Variants in SCLY observed in about 807,000 individuals in gnomAD.
The protein encoded by SCLY is putative selenocysteine lyase.
In SCLY, 38 loss-of-function variants were observed where a neutral mutation model predicts 50.1. The ratio of observed to expected loss-of-function variants is 0.76; its 90% CI spans 0.59 to 0.99. The LOEUF is 0.99. Among genes scored for constraint, SCLY ranks in the 50% least tolerant of loss-of-function variants. The pLI, the probability that SCLY is intolerant of heterozygous loss-of-function variation, is 0.00. For missense variants in SCLY, 600 were observed against 620.0 expected, an observed-to-expected ratio of 0.97 and a Z score of 0.34; for synonymous variants, 243 against 249.4, an observed-to-expected ratio of 0.97 and a Z score of 0.24.
Position 238,098,559 on chromosome 2 carries a change from GCATAGGACTGCCCA to G in SCLY, c.*208_*221del, listed in dbSNP as rs1691300807. ...TCACAGGGCCCAGGACACCAACGCC[GCATAGGACTGCCCA>G]CATGGGACCGCCCACATAGGACCGC... On this transcript the variant is annotated 3_prime_UTR_variant, in exon 12 of 12. Coordinates refer to ENST00000254663, the MANE Select transcript of SCLY (RefSeq NM_016510.7). 18 of 412,928 alleles carry G rather than the reference GCATAGGACTGCCCA, an allele frequency of 4.4e-5. 1 individual carries two copies. In the South Asian group the frequency reaches 6.5e-4, roughly 15 times the overall value. 25.6% of individuals were successfully genotyped at this position (412,928 alleles called of 1,614,324 possible). A position where few individuals can be genotyped will look rare whatever the true frequency, so the allele number is the denominator to read the frequency against.
At chr2:238,091,386 T>C in intron 8 of SCLY, 132 bp downstream of exon 8, 1 of 798,558 alleles carries the variant, frequency 1.3e-6, no homozygotes. Flanking sequence ...AGAAAAAGCC[T>C]GGAATCTGAT....
chr2:238,094,273 G>C, intron 9 of SCLY, 147 bp from the exon 10 acceptor site: 1 of 712,406 alleles, frequency 1.4e-6, no homozygotes, highest in Non-Finnish European at 2.4e-6. Flanking sequence ...GCTTTCCATA[G>C]TCCGTCCCCG....
In SCLY at chr2:238,091,584, G is replaced by A. The variant is rs73098344; in HGVS notation, c.921+330G>A. 2,001 of 344,322 alleles carry A rather than the reference G, an allele frequency of 5.8e-3. 46 individuals are homozygous for A. The highest frequency in any genetic ancestry group is 0.039 in the African/African-American group (1,870 of 47,370). The allele number at this position is 344,322 out of a possible 1,614,324, so 21.3% of individuals were successfully genotyped here. A position where few individuals can be genotyped will look rare whatever the true frequency, so the allele number is the denominator to read the frequency against. On this transcript the variant is annotated intron_variant, in intron 8 of 11. Transcript: ENST00000254663. Reference sequence around the variant, plus strand: ...AGGCGTCGGCAGCCCCCGCACCATCGACGTTCTGTCCCCGATTGGTCTGTG... The same window carrying A: ...AGGCGTCGGCAGCCCCCGCACCATCAACGTTCTGTCCCCGATTGGTCTGTG...
rs1346432235 is a variant in SCLY at position 238,094,447 on chromosome 2, C to G, written c.1033C>G (p.Leu345Val). The change falls in exon 10 of 12, where the codon CTG becomes GTG. Residue 345 changes from leucine to valine, a missense_variant. Transcript: ENST00000254663. Reference protein sequence around the residue: ...EAEFGQKRIHLNSQFPGTQRL... With the variant: ...EAEFGQKRIHVNSQFPGTQRL... ...TGAATTCGGTCAGAAGAGAATCCAT[C>G]TGAATAGCCAGTTTCCAGGCACCCA... 1 of 1,613,990 alleles carries G rather than the reference C, an allele frequency of 6.2e-7. No homozygotes were observed. Among genetic ancestry groups the G allele is most frequent in the Non-Finnish European group, 8.5e-7 (1 of 1,179,978 alleles).
chr2:238,065,035 A>G (rs1034446049), intron 2 of SCLY: 1 of 152,344 alleles, frequency 6.6e-6, no homozygotes, highest in Non-Finnish European at 1.5e-5. Flanking sequence ...TGAGCAAGCT[A>G]AAGTCTTACC....
In SCLY at chr2:238,096,851, G is replaced by A. The variant is rs1415720272; in HGVS notation, c.1159G>A (p.Ala387Thr). 8.7e-6 allele frequency: 14 copies of A among 1,612,076 alleles called. No individual in the cohort carries two copies. The highest frequency in any genetic ancestry group is 3.3e-5 in the Admixed American group (2 of 59,806). ...AGTGCTGATGGCCAGTGTGGGGGCC[G>A]CGTGCCACTCGGACCACGGGGACCA... ...CRVLMASVGA[A>T]CHSDHGDQPS... Residue 387 changes from alanine to threonine, a missense_variant, in exon 11 of 12, where the codon GCG (alanine) becomes ACG (threonine). Physicochemically the swap from Ala to Thr is moderately conservative, Grantham distance 58 (BLOSUM62 0). Transcript: ENST00000254663.
chr2:238,095,304 G>A (rs1019396413), intron 10 of SCLY, among the ~76,000 whole-genome samples: 2 of 152,280 alleles, frequency 1.3e-5, no homozygotes, highest in Middle Eastern at 3.4e-3. Flanking sequence ...GATCACCCCC[G>A]TCCCAGATGC....
chr2:238,077,412 T>C (rs2065184633), intron 4 of SCLY, among the ~76,000 whole-genome samples: 1 of 152,236 alleles, frequency 6.6e-6, no homozygotes, highest in African/African-American at 2.4e-5. Flanking sequence ...TAGAGACATA[T>C]TGTGGCTATA....
Position 238,098,246 on chromosome 2 carries a change from C to A in SCLY, c.1229C>A (p.Ala410Asp), listed in dbSNP as rs777801998. The A allele has an allele frequency of 3.1e-6, 5 of 1,611,026 alleles. No homozygotes were observed. The highest frequency in any genetic ancestry group is 3.3e-5 in the Admixed American group (2 of 59,982). The change falls in exon 12 of 12, where the codon GCC (alanine) becomes GAC (aspartate). Residue 410 changes from alanine (A) to aspartate (D), a missense_variant. Physicochemically the swap from Ala to Asp is moderately radical, Grantham distance 126 (BLOSUM62 -2). Coordinates refer to ENST00000254663, the MANE Select transcript of SCLY (RefSeq NM_016510.7). The part of the protein sequence containing the change: ...LLSYGVPFDV[A>D]RNALRLSVGR... Reference sequence around the variant, plus strand: ...AGCTACGGTGTCCCCTTCGACGTGGCCAGGAACGCGCTCCGGCTCAGCGTG... The same window carrying A: ...AGCTACGGTGTCCCCTTCGACGTGGACAGGAACGCGCTCCGGCTCAGCGTG...
intron 4 of SCLY, among the ~76,000 whole-genome samples, chr2:238,071,197 A>G (rs1175216190): frequency 9.2e-5 from 14 of 152,192 alleles, no homozygotes; most frequent in Admixed American, 9.2e-4. Flanking sequence ...AACTTGGTAT[A>G]CATCATTATT....
At position 238,067,515 on chromosome 2, in the gene SCLY, G is replaced by A. The variant is rs534519712; in HGVS notation, c.203-550G>A. On this transcript the variant is annotated intron_variant, in intron 2 of 11. Transcript: ENST00000254663. The surrounding 1 kb of genome is among the most constrained non-coding windows in gnomAD (Gnocchi z 4.3). Reference sequence around the variant, plus strand: ...TTGCTGTGTTTTCCTTCTAGCCAGTGAAACTGGGTGATGGCCGGATGCATA... The same window carrying A: ...TTGCTGTGTTTTCCTTCTAGCCAGTAAAACTGGGTGATGGCCGGATGCATA... 6.6e-6 allele frequency among the ~76,000 whole-genome samples: 1 copy of A among 152,352 alleles called. No individual in the cohort carries two copies. Among genetic ancestry groups the A allele is most frequent in the South Asian group, 2.1e-4 (1 of 4,832 alleles).
At chr2:238,079,041 T>C (rs1182874576) in intron 4 of SCLY, 1 of 149,712 alleles carries the variant, frequency 6.7e-6, no homozygotes, top group Non-Finnish European at 1.5e-5. Flanking sequence ...TTTCCTTCCT[T>C]CCTTCTTTCT....
intron 11 of SCLY, among the ~76,000 whole-genome samples, chr2:238,097,827 C>T (rs887024649): frequency 6.6e-6 from 1 of 152,124 alleles, no homozygotes; most frequent in Non-Finnish European, 1.5e-5. Flanking sequence ...ATGAAGTTAC[C>T]AAGTGGCTCA....
chr2:238,078,523 TATGTATA>T (rs1257537013), intron 4 of SCLY: 48 of 152,294 alleles, frequency 3.2e-4, no homozygotes, highest in Middle Eastern at 3.4e-3. Context: ...GCTTACTATT[TATGTATA>T]AACTTACCAG....
In SCLY at chr2:238,083,008, C is replaced by T; in HGVS notation, c.778-240C>T. ...TGATGCGCAGGGGAGAGCTGCCTGCCACAGAGCTGAGCACGAGAGTCTAGC... is the reference window on the plus strand; with the variant it reads ...TGATGCGCAGGGGAGAGCTGCCTGCTACAGAGCTGAGCACGAGAGTCTAGC... On this transcript the variant is annotated intron_variant, in intron 6 of 11. Transcript: ENST00000254663. This position sits in a 1 kb window ranked among gnomAD's most constrained non-coding sequence, Gnocchi z 4.3. 1 of 584,350 alleles carries T rather than the reference C, an allele frequency of 1.7e-6. No individual in the cohort carries two copies. The highest frequency in any genetic ancestry group is 1.7e-5 in the South Asian group (1 of 60,066). 36.2% of individuals were successfully genotyped at this position (584,350 alleles called of 1,614,324 possible). A position where few individuals can be genotyped will look rare whatever the true frequency, so the allele number is the denominator to read the frequency against.
Position 238,068,077 on chromosome 2 carries a change from A to G in SCLY, c.215A>G (p.Lys72Arg), listed in dbSNP as rs1576662117. The G allele has an allele frequency of 6.2e-7, 1 of 1,612,188 alleles. No individual in the cohort carries two copies. The highest frequency in any genetic ancestry group is 8.5e-7 in the Non-Finnish European group (1 of 1,179,338). Residue 72 changes from lysine (K) to arginine (R), a missense_variant, in exon 3 of 12, where the codon AAG becomes AGG. By Grantham distance (26) the Lys-to-Arg change is conservative. Coordinates refer to ENST00000254663, the MANE Select transcript of SCLY (RefSeq NM_016510.7). ...SSPYSAGRKA[K>R]DIINAARESL... ...TTGGTCCCTCAAGGAAGAAAGGCCA[A>G]GGATATTATAAATGCAGCTCGGGAA...
Position 238,069,503 on chromosome 2 carries a change from G to C in SCLY, c.484+26G>C. The C allele has an allele frequency of 1.3e-6, 2 of 1,581,094 alleles. No homozygotes were observed. Among genetic ancestry groups the C allele is most frequent in the Non-Finnish European group, 1.7e-6 (2 of 1,164,802 alleles). ...GTGAGTGAGTGCAGGGTGGCCCTGG[G>C]ACCAGCCTGCTGAGCTCCAGCTGCG... On this transcript the variant is annotated intron_variant, in intron 4 of 11. Transcript: ENST00000254663. This position sits in a 1 kb window ranked among gnomAD's most constrained non-coding sequence, Gnocchi z 5.0.
At chr2:238,091,605 C>T in intron 8 of SCLY, 2 of 292,638 alleles carry the variant, frequency 6.8e-6, no homozygotes, top group Middle Eastern at 1.2e-3. Context: ...CCCGATTGGT[C>T]TGTGGGGTGG....
chr2:238,061,898 C>G (rs1217308658), intron 1 of SCLY, among the ~76,000 whole-genome samples: 3 of 152,116 alleles, frequency 2.0e-5, no homozygotes, highest in Non-Finnish European at 4.4e-5. Context: ...GTCTTCTTTC[C>G]AGACCCCTCT....
Sources: allele counts gnomAD v4.1 joint callset (sites outside exome capture counted in the v4.1 genomes callset), GRCh38; gene constraint gnomAD v4.1.1; non-coding constraint Gnocchi (gnomAD v3.1); transcripts MANE v1.5; gene names NCBI Gene and HGNC (gene_info 2026-07-23, HGNC 2026-07-21).